The following LRRC8B variants were observed in gnomAD, a reference collection of about 807,000 sequenced individuals.
The protein encoded by LRRC8B is leucine rich repeat containing 8 VRAC subunit B.
A neutral mutation model predicts 58.8 loss-of-function variants in LRRC8B; 23 were observed. The ratio of observed to expected loss-of-function variants is 0.39; its 90% CI spans 0.28 to 0.55. The LOEUF is 0.55. Among genes scored for constraint, LRRC8B ranks in the 20% least tolerant of loss-of-function variants. LRRC8B has a pLI of 0.62. For synonymous variants in LRRC8B, 359 were observed against 374.1 expected, an observed-to-expected ratio of 0.96 and a Z score of 0.47; for missense variants, 694 against 936.0, an observed-to-expected ratio of 0.74 and a Z score of 3.37.
intron 3 of LRRC8B, chr1:89,572,630 A>G (rs1653549853): frequency 6.6e-6 from 1 of 152,168 alleles, no homozygotes. Flanking sequence ...TGTGATTCAG[A>G]AGGGACTACA....
At chr1:89,591,997 G>A (rs1343320706) in intron 5 of LRRC8B, among the ~76,000 whole-genome samples, 1 of 152,104 alleles carries the variant, frequency 6.6e-6, no homozygotes, top group Non-Finnish European at 1.5e-5. Flanking sequence ...TTCTCTGGAG[G>A]TCTTTCCTCA....
At chr1:89,562,096 T>C (rs1372375830) in intron 1 of LRRC8B, among the ~76,000 whole-genome samples, 2 of 151,408 alleles carry the variant, frequency 1.3e-5, no homozygotes, top group African/African-American at 2.4e-5. Flanking sequence ...AGTAAGTGTG[T>C]CTGCTATCAC....
chr1:89,533,594 C>T (rs1270350275), intron 1 of LRRC8B, among the ~76,000 whole-genome samples: 1 of 152,220 alleles, frequency 6.6e-6, no homozygotes, highest in Non-Finnish European at 1.5e-5. Flanking sequence ...ACCCCCACAG[C>T]TCCTCATTCC....
chr1:89,596,775 A>G lies in LRRC8B; in HGVS notation c.*3732A>G, dbSNP rs989660605. On this transcript the variant is annotated 3_prime_UTR_variant, in exon 6 of 6. Coordinates refer to ENST00000330947, the MANE Select transcript of LRRC8B (RefSeq NM_001369817.2). Reference sequence around the variant, plus strand: ...AGAAGATTTGCAATGATATTTGAGCATGTATTTATTTAGGAGGAAGCCAGT... The same window carrying G: ...AGAAGATTTGCAATGATATTTGAGCGTGTATTTATTTAGGAGGAAGCCAGT... The G allele has an allele frequency of 1.3e-5, 2 of 152,174 alleles. No individual in the cohort carries two copies. The highest frequency in any genetic ancestry group is 4.8e-5 in the African/African-American group (2 of 41,462). The allele number at this position is 152,174 out of a possible 1,614,324, so 9.4% of individuals were successfully genotyped here.
At chr1:89,589,280 A>G (rs538057360) in intron 5 of LRRC8B, among the ~76,000 whole-genome samples, 1 of 152,146 alleles carries the variant, frequency 6.6e-6, no homozygotes, top group Non-Finnish European at 1.5e-5. Context: ...ATGGAACCCA[A>G]ACATTCTGAT....
Position 89,593,823 on chromosome 1 carries a change from A to G in LRRC8B, c.*780A>G, listed in dbSNP as rs1337565697. On this transcript the variant is annotated 3_prime_UTR_variant, in exon 6 of 6. Coordinates refer to ENST00000330947, the MANE Select transcript of LRRC8B (RefSeq NM_001369817.2). Reference sequence around the variant, plus strand: ...ACGACTGTCTTTGATTTATGTTCCTAAATTTTTTTAGATAGGGTATGTTGT... The same window carrying G: ...ACGACTGTCTTTGATTTATGTTCCTGAATTTTTTTAGATAGGGTATGTTGT... 1 of 152,118 alleles carries G rather than the reference A, an allele frequency of 6.6e-6. No individual in the cohort carries two copies. Among genetic ancestry groups the G allele is most frequent in the African/African-American group, 2.4e-5 (1 of 41,424 alleles). The allele number at this position is 152,118 out of a possible 1,614,324, so 9.4% of individuals were successfully genotyped here. A position where few individuals can be genotyped will look rare whatever the true frequency, so the allele number is the denominator to read the frequency against.
Position 89,583,774 on chromosome 1 carries a change from A to G in LRRC8B, c.1124A>G (p.Gln375Arg). The change falls in exon 5 of 6, where the codon CAG becomes CGG. Residue 375 changes from glutamine to arginine, a missense_variant. Gln to Arg is a conservative substitution (Grantham distance 43). Around this residue, in one of 5 missense-constraint regions of LRRC8B, gnomAD observed 24 missense variants for 63.2 expected, o/e 0.38. Transcript: ENST00000330947. The surrounding 1 kb of genome is among the most constrained non-coding windows in gnomAD (Gnocchi z 5.2). ...DFAFILHLADQYDPLYSKRFS... is the reference protein window; with the variant it reads ...DFAFILHLADRYDPLYSKRFS... ...GCCTTCATCCTTCATCTGGCTGATC[A>G]GTATGATCCTCTTTATTCCAAACGC... 1 of 1,614,216 alleles carries G rather than the reference A, an allele frequency of 6.2e-7. No individual in the cohort carries two copies.
intron 3 of LRRC8B, chr1:89,572,548 G>A (rs1653544055): frequency 6.6e-6 from 1 of 152,128 alleles, no homozygotes; most frequent in Non-Finnish European, 1.5e-5. Context: ...ATTCAGAAAG[G>A]CCATCTTCCA....
chr1:89,589,130 C>G (rs1032392296), intron 5 of LRRC8B, among the ~76,000 whole-genome samples: 11 of 152,066 alleles, frequency 7.2e-5, no homozygotes, highest in African/African-American at 2.7e-4. Context: ...TGCCTCTTGG[C>G]CCAGAAAGCC....
In LRRC8B at chr1:89,592,825, T is replaced by A; in HGVS notation, c.2194T>A (p.Leu732Met). ...GTGCAAAAAGCTGCAGTGTTTACTT[T>A]TGGGGAAAAATAGCTTGATGAATTT... is the stretch of plus-strand genomic sequence containing the variant. Reference protein sequence around the residue: ...FQCKKLQCLLLGKNSLMNLSP... With the variant: ...FQCKKLQCLLMGKNSLMNLSP... Residue 732 changes from leucine to methionine, a missense_variant, in exon 6 of 6, where the codon TTG (leucine) becomes ATG (methionine). By Grantham distance (15) the Leu-to-Met change is conservative (BLOSUM62 2). Coordinates refer to ENST00000330947, the MANE Select transcript of LRRC8B (RefSeq NM_001369817.2). The A allele has an allele frequency of 6.2e-7, 1 of 1,614,200 alleles. No homozygotes were observed. The highest frequency in any genetic ancestry group is 8.5e-7 in the Non-Finnish European group (1 of 1,180,020).
intron 1 of LRRC8B, among the ~76,000 whole-genome samples, chr1:89,527,413 T>G (rs1315357548): frequency 1.3e-5 from 2 of 152,232 alleles, no homozygotes; most frequent in African/African-American, 2.4e-5. Flanking sequence ...TATTACACAC[T>G]TGGTGGCATG....
At chr1:89,546,282 T>C (rs12724756) in intron 1 of LRRC8B, among the ~76,000 whole-genome samples, 28,896 of 152,040 alleles carry the variant, frequency 0.19, 3,471 homozygotes, top group Admixed American at 0.31. Flanking sequence ...TGAGTTCTGC[T>C]TGACTGTGAG....
chr1:89,569,441 A>T (rs1488298393), intron 3 of LRRC8B, among the ~76,000 whole-genome samples: 1 of 152,098 alleles, frequency 6.6e-6, no homozygotes, highest in African/African-American at 2.4e-5. Flanking sequence ...ACAATAGGAA[A>T]ACTTTCAGCC....
In LRRC8B at chr1:89,583,267, T is replaced by C. The variant is rs761871828; in HGVS notation, c.617T>C (p.Leu206Ser). The change falls in exon 5 of 6, where the codon TTG becomes TCG. Residue 206 changes from leucine (L) to serine (S), a missense_variant. Coordinates refer to ENST00000330947, the MANE Select transcript of LRRC8B (RefSeq NM_001369817.2). The surrounding 1 kb of genome is among the most constrained non-coding windows in gnomAD (Gnocchi z 5.2). The stretch of plus-strand genomic sequence containing the variant: ...GACATAGATTCCGGCAAACAGTCAT[T>C]GCCCTACCCACAGCCAGGTTTGGAG... The part of the protein sequence containing the change: ...SADIDSGKQS[L>S]PYPQPGLESA... 13 of 1,614,088 alleles carry C rather than the reference T, an allele frequency of 8.1e-6. No homozygotes were observed. The African/African-American group carries it at 1.7e-4, about 22-fold the overall frequency.
chr1:89,529,510 A>G (rs716833), intron 1 of LRRC8B, among the ~76,000 whole-genome samples: 35,042 of 152,076 alleles, frequency 0.23, 4,518 homozygotes, highest in Admixed American at 0.34. Context: ...TTTTACCTGT[A>G]AACTGGATAA....
intron 1 of LRRC8B, among the ~76,000 whole-genome samples, chr1:89,528,056 C>T (rs193221492): frequency 1.3e-5 from 2 of 152,282 alleles, no homozygotes; most frequent in African/African-American, 2.4e-5. Flanking sequence ...TCATGTGATT[C>T]TGCTTGTTTC....
chr1:89,534,335 G>A (rs1215784614), intron 1 of LRRC8B, among the ~76,000 whole-genome samples: 1 of 152,124 alleles, frequency 6.6e-6, no homozygotes, highest in Non-Finnish European at 1.5e-5. Context: ...ATACCAAAGT[G>A]ATTTGATATC....
intron 1 of LRRC8B, among the ~76,000 whole-genome samples, chr1:89,545,130 T>G (rs541194221): frequency 1.3e-5 from 2 of 152,320 alleles, no homozygotes; most frequent in Admixed American, 1.3e-4. Flanking sequence ...TTTTCTTGAT[T>G]CTTAATCCCA....
In LRRC8B at chr1:89,587,512, G is replaced by A. The variant is rs375309351; in HGVS notation, c.2139+2723G>A. ...CTTGCCACTGCACTCTAGCCTGAGC[G>A]ACAGAGCAAGACTCCATCTCAAAAA... On this transcript the variant is annotated intron_variant, in intron 5 of 5. Coordinates refer to ENST00000330947, the MANE Select transcript of LRRC8B (RefSeq NM_001369817.2). 4.5e-4 allele frequency among the ~76,000 whole-genome samples: 68 copies of A among 152,234 alleles called. 1 individual carries two copies. The highest frequency in any genetic ancestry group is 3.5e-3 in the South Asian group (17 of 4,828).
Sources: gnomAD v4.1 joint callset for allele counts (sites outside exome capture counted in the v4.1 genomes callset) on GRCh38, gnomAD v4.1.1 for gene constraint, gnomAD v4.1.1 regional missense constraint, Gnocchi (gnomAD v3.1) non-coding constraint, MANE v1.5 for transcripts, NCBI Gene and HGNC (gene_info 2026-07-23, HGNC 2026-07-21) for gene names.